TSHZ3: variants seen among roughly 807,000 people sequenced by gnomAD.
The protein encoded by TSHZ3 is teashirt zinc finger homeobox 3.
In TSHZ3, 10 loss-of-function variants were observed where a neutral mutation model predicts 64.5. The observed-to-expected ratio is 0.16, with a 90% CI of 0.10 to 0.26. The LOEUF (loss-of-function observed/expected upper bound fraction) is 0.26, where lower values mean the gene tolerates loss of function less well. Ranked by LOEUF, TSHZ3 falls within the 10% of genes least tolerant of loss-of-function variation. The pLI is 1.00. For missense variants in TSHZ3, 1,242 were observed against 1,421.7 expected (o/e 0.87, Z 2.03); for synonymous variants, 608 against 593.1 (o/e 1.03, Z -0.36).
chr19:31,268,222 T>C lies in TSHZ3; in HGVS notation n.64-25347A>G, dbSNP rs1437003317. Among the ~76,000 whole-genome samples the C allele has an allele frequency of 2.6e-5, 4 of 152,148 alleles. 1 individual carries two copies. The highest frequency in any genetic ancestry group is 4.8e-5 in the African/African-American group (2 of 41,426). On this transcript the variant is annotated intron_variant and non_coding_transcript_variant, in intron 1 of 6. Coordinates refer to the TSHZ3 transcript ENST00000651361. ...CCAACCATGTGGAACTGTGAGTCCATTAAACCTCTTTCCTTCATAAATTAC... is the reference window on the plus strand; with the variant it reads ...CCAACCATGTGGAACTGTGAGTCCACTAAACCTCTTTCCTTCATAAATTAC...
intron 5 of TSHZ3, among the ~76,000 whole-genome samples, chr19:31,157,198 A>C (rs1414669463): frequency 2.6e-5 from 4 of 152,172 alleles, no homozygotes; most frequent in Non-Finnish European, 5.9e-5. Flanking sequence ...CTTGTAATAC[A>C]AGAAAATGAT....
chr19:31,216,946 G>A (rs536060592), intron 4 of TSHZ3, among the ~76,000 whole-genome samples: 3 of 151,822 alleles, frequency 2.0e-5, no homozygotes, highest in South Asian at 2.1e-4. Flanking sequence ...ATGAGCCACC[G>A]CGCCTGACCA....
In TSHZ3 at chr19:31,247,671, C is replaced by T. The variant is rs185583463; in HGVS notation, n.64-4796G>A. On this transcript the variant is annotated intron_variant and non_coding_transcript_variant, in intron 1 of 6. Coordinates refer to the TSHZ3 transcript ENST00000651361. ...CCATCAGAACAAAATCTGTAGATGA[C>T]GGGTTATCCTATCAATATTAACTTC... Among the ~76,000 whole-genome samples, 5 of 152,212 alleles carry T rather than the reference C, an allele frequency of 3.3e-5. No homozygotes were observed. In the South Asian group the frequency reaches 6.2e-4, roughly 19 times the overall value.
rs974001640 is a variant in TSHZ3, at chr19:31,291,101, G to A, written c.41-11349C>T. Reference sequence around the variant, plus strand: ...CACAGCCCGAGTGGCCAGTGGTGGCGTAAGCCAATGACAGGCTGCGGCTGC... The same window carrying A: ...CACAGCCCGAGTGGCCAGTGGTGGCATAAGCCAATGACAGGCTGCGGCTGC... On this transcript the variant is annotated intron_variant, in intron 1 of 1. Coordinates refer to ENST00000240587, the MANE Select transcript of TSHZ3 (RefSeq NM_020856.4). Among the ~76,000 whole-genome samples the A allele has an allele frequency of 7.9e-5, 12 of 152,330 alleles. No individual in the cohort carries two copies. In the South Asian group the frequency reaches 1.0e-3, roughly 13 times the overall value.
chr19:31,348,258 A>G (rs559072943), intron 1 of TSHZ3, among the ~76,000 whole-genome samples: 1 of 152,316 alleles, frequency 6.6e-6, no homozygotes, highest in East Asian at 1.9e-4. Flanking sequence ...CAAAGGCAGC[A>G]GCATGACGGG....
At chr19:31,209,630 G>A (rs7252031) in intron 4 of TSHZ3, among the ~76,000 whole-genome samples, 1 of 152,008 alleles carries the variant, frequency 6.6e-6, no homozygotes, top group South Asian at 2.1e-4. Context: ...GTTGTTAAGC[G>A]TTTGGTCATG....
chr19:31,295,626 G>A (rs910794654), intron 1 of TSHZ3, among the ~76,000 whole-genome samples: 1 of 152,176 alleles, frequency 6.6e-6, no homozygotes, highest in Non-Finnish European at 1.5e-5. Flanking sequence ...GGTGGCTGGG[G>A]AAGGGCTGTG....
intron 1 of TSHZ3, among the ~76,000 whole-genome samples, chr19:31,328,166 G>T (rs901763182): frequency 1.3e-5 from 2 of 152,168 alleles, no homozygotes; most frequent in African/African-American, 2.4e-5. Flanking sequence ...TTTTGCCCAG[G>T]CCCCCAGCTA....
downstream of TSHZ3, among the ~76,000 whole-genome samples, chr19:31,271,494 C>T (rs57655182): frequency 0.021 from 3,168 of 152,308 alleles, 111 homozygotes; most frequent in African/African-American, 0.072. Flanking sequence ...AAGGTGAGGT[C>T]GGTTCTATCA....
intron 1 of TSHZ3, among the ~76,000 whole-genome samples, chr19:31,300,157 T>C (rs1976729589): frequency 6.6e-6 from 1 of 152,164 alleles, no homozygotes; most frequent in Non-Finnish European, 1.5e-5. Flanking sequence ...TTCTGGTACA[T>C]TGTGATCGAC....
chr19:31,173,774 T>C (rs374444129), intron 5 of TSHZ3, among the ~76,000 whole-genome samples: 8 of 152,298 alleles, frequency 5.3e-5, no homozygotes, highest in African/African-American at 1.9e-4. Context: ...ACAGGATACA[T>C]AGATGTAAAC....
In TSHZ3 at chr19:31,307,938, C is replaced by T. The variant is rs117952967; in HGVS notation, c.41-28186G>A. ...AACTTGTATGACTCTCATAAAGGGG[C>T]CACCCCAGCTATAAATAAAATGACA... On this transcript the variant is annotated intron_variant, in intron 1 of 1. Coordinates refer to ENST00000240587, the MANE Select transcript of TSHZ3 (RefSeq NM_020856.4). Among the ~76,000 whole-genome samples the T allele has an allele frequency of 1.1e-4, 16 of 152,298 alleles. No homozygotes were observed. The East Asian group carries it at 3.1e-3, about 29-fold the overall frequency.
At chr19:31,314,218 CTG>C (rs1482381835) in intron 1 of TSHZ3, among the ~76,000 whole-genome samples, 2 of 152,234 alleles carry the variant, frequency 1.3e-5, no homozygotes, top group Non-Finnish European at 2.9e-5. Flanking sequence ...TCCCTACAGT[CTG>C]CACGAGAGAT....
chr19:31,298,596 G>A (rs577391677), intron 1 of TSHZ3, among the ~76,000 whole-genome samples: 1 of 152,268 alleles, frequency 6.6e-6, no homozygotes, highest in South Asian at 2.1e-4. Flanking sequence ...GTCTGGGAAC[G>A]GTCCTGGCCC....
chr19:31,289,613 G>A (rs1437586918), intron 1 of TSHZ3, among the ~76,000 whole-genome samples: 1 of 152,166 alleles, frequency 6.6e-6, no homozygotes, highest in Non-Finnish European at 1.5e-5. Context: ...CCACTGCATG[G>A]ATCTGACTGG....
At chr19:31,303,294 A>T (rs1976784490) in intron 1 of TSHZ3, among the ~76,000 whole-genome samples, 1 of 152,126 alleles carries the variant, frequency 6.6e-6, no homozygotes, top group Non-Finnish European at 1.5e-5. Flanking sequence ...TTGTAAAGGG[A>T]CCTTTCTCCA....
chr19:31,291,258 A>C (rs1012717953), intron 1 of TSHZ3, among the ~76,000 whole-genome samples: 2 of 152,202 alleles, frequency 1.3e-5, no homozygotes, highest in Non-Finnish European at 2.9e-5. Flanking sequence ...CAAGAGTCCA[A>C]GAGTTCCAGA....
chr19:31,240,270 A>G (rs1221010631), intron 3 of TSHZ3, among the ~76,000 whole-genome samples: 1 of 152,162 alleles, frequency 6.6e-6, no homozygotes, highest in Non-Finnish European at 1.5e-5. Flanking sequence ...ATGTAGTTAT[A>G]TCTATCAATA....
intron 1 of TSHZ3, among the ~76,000 whole-genome samples, chr19:31,331,330 C>G (rs557481219): frequency 6.6e-6 from 1 of 152,320 alleles, no homozygotes; most frequent in Admixed American, 6.5e-5. Flanking sequence ...CATTAATTTT[C>G]TTTCATAGCC....
Sources: gnomAD v4.1 joint callset for allele counts (sites outside exome capture counted in the v4.1 genomes callset) on GRCh38, gnomAD v4.1.1 for gene constraint, MANE v1.5 for transcripts, NCBI Gene and HGNC (gene_info 2026-07-23, HGNC 2026-07-21) for gene names.